PLGRKT: variants seen among roughly 807,000 people sequenced by gnomAD.
PLGRKT encodes plasminogen receptor with a C-terminal lysine.
PLGRKT carries 22 observed loss-of-function variants against 18.5 expected under a neutral mutation model. The ratio of observed to expected loss-of-function variants is 1.19; its 90% CI spans 0.85 to 1.70. PLGRKT has a LOEUF of 1.70. Ranked by LOEUF, PLGRKT falls within the 40% of genes most tolerant of loss-of-function variation. The probability of loss-of-function intolerance (pLI) is 0.00; values close to 1 mark genes in which losing one functional copy is unlikely to be tolerated. For synonymous variants in PLGRKT, 72 were observed against 52.8 expected (o/e 1.36, Z -1.58); for missense variants, 235 against 174.4 (o/e 1.35, Z -1.96).
intron 3 of PLGRKT, among the ~76,000 whole-genome samples, chr9:5,415,695 T>C (rs1380208426): frequency 6.6e-6 from 1 of 152,190 alleles, no homozygotes; most frequent in East Asian, 1.9e-4. Context: ...AAGCATTTTG[T>C]GGTTTAAGAA....
chr9:5,395,855 G>A (rs1038562839), intron 3 of PLGRKT, among the ~76,000 whole-genome samples: 2 of 147,718 alleles, frequency 1.4e-5, no homozygotes, highest in Admixed American at 6.7e-5. Context: ...ATACCATTAA[G>A]AAATGCATTA....
rs573660553 is a variant in PLGRKT, at chr9:5,364,738, A to C, written c.82-2850T>G. On this transcript the variant is annotated intron_variant, in intron 3 of 5. Coordinates refer to ENST00000223864, the MANE Select transcript of PLGRKT (RefSeq NM_018465.4). ...GTCTCTCACGAGTTACAGATTAACAATTCTGAAACTGCTTTACATGTCTAC... is the reference window on the plus strand; with the variant it reads ...GTCTCTCACGAGTTACAGATTAACACTTCTGAAACTGCTTTACATGTCTAC... 1.4e-4 allele frequency among the ~76,000 whole-genome samples: 21 copies of C among 152,330 alleles called. No homozygotes were observed. The East Asian group carries it at 3.7e-3, about 27-fold the overall frequency.
chr9:5,367,427 A>T (rs1045861644), intron 3 of PLGRKT, among the ~76,000 whole-genome samples: 1 of 152,182 alleles, frequency 6.6e-6, no homozygotes, highest in Non-Finnish European at 1.5e-5. Context: ...GAATTCATAA[A>T]TAAAGCCACA....
At position 5,405,467 on chromosome 9, in the gene PLGRKT, C is replaced by G. The variant is rs958841556; in HGVS notation, c.81+26430G>C. Among the ~76,000 whole-genome samples the G allele has an allele frequency of 2.0e-5, 3 of 152,168 alleles. No individual in the cohort carries two copies. The East Asian group carries it at 5.8e-4, about 29-fold the overall frequency. ...TCGGAAATGAAACTCATATCTACAA[C>G]TGTCTGATCTTTGACAAACCTGACA... On this transcript the variant is annotated intron_variant, in intron 3 of 5. Transcript: ENST00000223864.
chr9:5,406,176 T>G (rs2131135832), intron 3 of PLGRKT, among the ~76,000 whole-genome samples: 1 of 152,322 alleles, frequency 6.6e-6, no homozygotes, highest in African/African-American at 2.4e-5. Flanking sequence ...TTAAATTAGT[T>G]CAACCTTTGT....
At chr9:5,411,178 G>A (rs1259174172) in intron 3 of PLGRKT, among the ~76,000 whole-genome samples, 1 of 152,028 alleles carries the variant, frequency 6.6e-6, no homozygotes, top group African/African-American at 2.4e-5. Context: ...GAGGTCGGGA[G>A]TTTGAGATCA....
chr9:5,383,899 T>G (rs1326102913), intron 3 of PLGRKT, among the ~76,000 whole-genome samples: 3 of 152,202 alleles, frequency 2.0e-5, no homozygotes, highest in African/African-American at 7.2e-5. Context: ...GTGTGCCATT[T>G]ATTGAGCCAG....
chr9:5,408,475 C>G (rs964586749), intron 3 of PLGRKT, among the ~76,000 whole-genome samples: 6 of 152,230 alleles, frequency 3.9e-5, no homozygotes, highest in African/African-American at 1.4e-4. Flanking sequence ...ACCAGCAAAA[C>G]ATTTGAGATG....
chr9:5,427,943 T>G (rs925451949), intron 3 of PLGRKT, among the ~76,000 whole-genome samples: 9 of 152,262 alleles, frequency 5.9e-5, no homozygotes, highest in African/African-American at 2.2e-4. Flanking sequence ...TAAATGTGGT[T>G]GAACAACAAA....
chr9:5,422,952 G>A (rs557411405), intron 3 of PLGRKT, among the ~76,000 whole-genome samples: 12 of 152,044 alleles, frequency 7.9e-5, no homozygotes, highest in Middle Eastern at 3.4e-3. Flanking sequence ...AATTGCTTTC[G>A]AAACACCTGG....
At chr9:5,371,722 CT>C (rs111885208) in intron 3 of PLGRKT, among the ~76,000 whole-genome samples, 17 of 152,242 alleles carry the variant, frequency 1.1e-4, no homozygotes, top group African/African-American at 4.1e-4. Context: ...GTTATTAGCA[CT>C]GTCAACTGAA....
At chr9:5,359,922 A>G (rs1817226019) in intron 5 of PLGRKT, among the ~76,000 whole-genome samples, 2 of 152,236 alleles carry the variant, frequency 1.3e-5, no homozygotes, top group African/African-American at 4.8e-5. Context: ...AAAAATATGT[A>G]TCATAATAAA....
At chr9:5,435,092 G>C (rs1818933604) in intron 2 of PLGRKT, among the ~76,000 whole-genome samples, 1 of 151,842 alleles carries the variant, frequency 6.6e-6, no homozygotes, top group South Asian at 2.1e-4. Context: ...TGCAAGATGT[G>C]CTTTGTTAAA....
chr9:5,381,710 G>A (rs139649396), intron 3 of PLGRKT, among the ~76,000 whole-genome samples: 1 of 152,356 alleles, frequency 6.6e-6, no homozygotes, highest in Non-Finnish European at 1.5e-5. Flanking sequence ...GGGAGGAGAT[G>A]AGACTGTGCT....
At chr9:5,373,547 TC>T (rs1295425140) in intron 3 of PLGRKT, among the ~76,000 whole-genome samples, 1 of 152,150 alleles carries the variant, frequency 6.6e-6, no homozygotes, top group Non-Finnish European at 1.5e-5. Context: ...TGCCTGTAAT[TC>T]CAGCACTTTG....
At chr9:5,437,523 T>C (rs1211810069) in intron 1 of PLGRKT, 2 of 152,260 alleles carry the variant, frequency 1.3e-5, no homozygotes, top group African/African-American at 4.8e-5. Flanking sequence ...CTGATTTCTG[T>C]TGAGAGCACT....
intron 3 of PLGRKT, among the ~76,000 whole-genome samples, chr9:5,391,527 C>A (rs997637767): frequency 6.6e-6 from 1 of 151,934 alleles, no homozygotes; most frequent in African/African-American, 2.4e-5. Context: ...ACATCTTTGG[C>A]CTTTGGTCAG....
At chr9:5,399,087 A>G (rs1422422785) in intron 3 of PLGRKT, among the ~76,000 whole-genome samples, 2 of 151,244 alleles carry the variant, frequency 1.3e-5, no homozygotes, top group Non-Finnish European at 2.9e-5. Context: ...CCCACAATTC[A>G]TCTCTACCAC....
At chr9:5,411,156 G>C (rs1398213266) in intron 3 of PLGRKT, among the ~76,000 whole-genome samples, 1 of 152,076 alleles carries the variant, frequency 6.6e-6, no homozygotes, top group Non-Finnish European at 1.5e-5. Flanking sequence ...GGCCGAGGCA[G>C]GTGGACCACC....
Sources: allele counts gnomAD v4.1 joint callset (sites outside exome capture counted in the v4.1 genomes callset), GRCh38; gene constraint gnomAD v4.1.1; transcripts MANE v1.5; gene names NCBI Gene and HGNC (gene_info 2026-07-23, HGNC 2026-07-21).